EPHB1: variants seen among roughly 807,000 people sequenced by gnomAD.
EPHB1 encodes the protein ephrin type-B receptor 1.
Under a neutral mutation model 94.4 loss-of-function variants are expected in EPHB1, and 30 were observed. The ratio of observed to expected loss-of-function variants is 0.32; its 90% CI spans 0.24 to 0.43. The LOEUF is 0.43. Among genes scored for constraint, EPHB1 ranks in the 20% least tolerant of loss-of-function variants. The pLI, the probability that EPHB1 is intolerant of heterozygous loss-of-function variation, is 1.00. For missense variants in EPHB1, 1,055 were observed against 1,308.3 expected, an observed-to-expected ratio of 0.81 and a Z score of 2.99; for synonymous variants, 522 against 489.1, an observed-to-expected ratio of 1.07 and a Z score of -0.89.
At chr3:135,133,745 C>T (rs6439558) in intron 5 of EPHB1, among the ~76,000 whole-genome samples, 152,188 of 152,334 alleles carry the variant, frequency 1, 76,021 homozygotes, top group East Asian at 1. Context: ...ACATTTTCTT[C>T]CTCTTTATTT....
intron 3 of EPHB1, among the ~76,000 whole-genome samples, chr3:134,969,619 G>A (rs1393127830): frequency 6.6e-6 from 1 of 152,170 alleles, no homozygotes; most frequent in African/African-American, 2.4e-5. Flanking sequence ...GTGTTAATGG[G>A]AGTCTTCATC....
At position 135,132,922 on chromosome 3, in the gene EPHB1, C is replaced by G. The variant is rs778438458; in HGVS notation, c.1170C>G (p.Arg390=). 1 of 1,614,022 alleles carries G rather than the reference C, an allele frequency of 6.2e-7. No individual in the cohort carries two copies. Among genetic ancestry groups the G allele is most frequent in the Non-Finnish European group, 8.5e-7 (1 of 1,179,896 alleles). The part of the protein sequence containing the change: ...VPRQLGLTEC[R]VSISSLWAHT... ...GGCAGCTGGGCCTGACGGAGTGCCG[C>G]GTCTCCATCAGCAGCCTGTGGGCCC... Residue 390 remains arginine, a synonymous_variant, in exon 5 of 16, where the codon CGC becomes CGG. Coordinates refer to ENST00000398015, the MANE Select transcript of EPHB1 (RefSeq NM_004441.5).
intron 2 of EPHB1, among the ~76,000 whole-genome samples, chr3:134,950,599 G>A (rs924640177): frequency 3.3e-5 from 5 of 152,148 alleles, no homozygotes; most frequent in African/African-American, 1.2e-4. Flanking sequence ...ATGTCACATG[G>A]TGAGAGATGG....
At chr3:134,816,485 G>A (rs2036276072) in intron 1 of EPHB1, among the ~76,000 whole-genome samples, 1 of 152,050 alleles carries the variant, frequency 6.6e-6, no homozygotes, top group Non-Finnish European at 1.5e-5. Flanking sequence ...TAACCTCCCA[G>A]TTATGGCCTC....
intron 3 of EPHB1, among the ~76,000 whole-genome samples, chr3:135,044,074 TA>T (rs1172167766): frequency 1.2e-4 from 19 of 152,206 alleles, no homozygotes; most frequent in African/African-American, 4.6e-4. Flanking sequence ...GGATTCTAAT[TA>T]AAACTAAATT....
At chr3:135,224,659 A>G (rs554980458) in intron 12 of EPHB1, among the ~76,000 whole-genome samples, 2 of 152,322 alleles carry the variant, frequency 1.3e-5, no homozygotes, top group South Asian at 4.1e-4. Flanking sequence ...CAATTTCAGC[A>G]TCCATTGATG....
At chr3:135,096,707 GCT>G (rs1371399077) in intron 3 of EPHB1, among the ~76,000 whole-genome samples, 1 of 152,184 alleles carries the variant, frequency 6.6e-6, no homozygotes, top group Non-Finnish European at 1.5e-5. Context: ...CAGAAAGAAA[GCT>G]CTCTCGTATT....
chr3:134,896,809 C>T (rs1005767884), intron 1 of EPHB1, among the ~76,000 whole-genome samples: 3 of 152,244 alleles, frequency 2.0e-5, no homozygotes, highest in Non-Finnish European at 4.4e-5. Flanking sequence ...ATGCCGACTG[C>T]GGCTATTGTC....
chr3:134,998,652 T>C (rs1935075720), intron 3 of EPHB1, among the ~76,000 whole-genome samples: 1 of 152,236 alleles, frequency 6.6e-6, no homozygotes, highest in Non-Finnish European at 1.5e-5. Context: ...GCTTTGGGGA[T>C]ACCATCCCCA....
chr3:135,156,089 A>G (rs946135340), intron 6 of EPHB1, among the ~76,000 whole-genome samples: 3 of 152,108 alleles, frequency 2.0e-5, no homozygotes, highest in Admixed American at 1.3e-4. Context: ...CTGAACCACT[A>G]GAACGATGTA....
rs1337401295 is a variant in EPHB1 at position 135,053,005 on chromosome 3, G to GTA, written c.806-53435_806-53434dup. Among the ~76,000 whole-genome samples the GTA allele has an allele frequency of 2.8e-3, 237 of 84,986 alleles. 5 individuals are homozygous for GTA. The highest frequency in any genetic ancestry group is 0.011 in the African/African-American group (188 of 17,588). 55.8% of individuals were successfully genotyped at this position (84,986 alleles called of 152,430 possible). On this transcript the variant is annotated intron_variant, in intron 3 of 15. Transcript: ENST00000398015. ...TATGTGTGTGTATATATATGTGTGTGTATATATATGTGTGTGTGTGTGTAT... is the reference window on the plus strand; with the variant it reads ...TATGTGTGTGTATATATATGTGTGTGTATATATATATGTGTGTGTGTGTGTAT...
At chr3:135,044,711 G>A (rs928371671) in intron 3 of EPHB1, among the ~76,000 whole-genome samples, 6 of 152,168 alleles carry the variant, frequency 3.9e-5, no homozygotes, top group African/African-American at 1.4e-4. Context: ...CTTAATAAAT[G>A]ACACTGATTG....
intron 5 of EPHB1, among the ~76,000 whole-genome samples, chr3:135,144,834 A>G (rs987323970): frequency 2.0e-5 from 3 of 152,310 alleles, no homozygotes; most frequent in African/African-American, 7.2e-5. Flanking sequence ...GCAGAGCTAC[A>G]CACCCAAGGA....
intron 4 of EPHB1, among the ~76,000 whole-genome samples, chr3:135,108,045 A>AAGACTAGTCATGG: frequency 6.6e-6 from 1 of 152,172 alleles, no homozygotes; most frequent in Non-Finnish European, 1.5e-5. Context: ...GTTCAGACCA[A>AAGACTAGTCATGG]AGACTAGTCT....
In EPHB1 at chr3:135,160,783, C is replaced by A. The variant is rs77449657; in HGVS notation, c.1423-1235C>A. ...GTGTGTAGACAGTCCACAGCCCAGA[C>A]TGGTGAAAGAAGCCTTCCAAGAGAA... On this transcript the variant is annotated intron_variant, in intron 6 of 15. Transcript: ENST00000398015. Among the ~76,000 whole-genome samples, 176 of 152,264 alleles carry A rather than the reference C, an allele frequency of 1.2e-3. 1 individual carries two copies. In the East Asian group the frequency reaches 0.019, roughly 17 times the overall value.
intron 12 of EPHB1, among the ~76,000 whole-genome samples, chr3:135,224,229 G>A (rs1179204712): frequency 1.3e-5 from 2 of 152,168 alleles, no homozygotes; most frequent in African/African-American, 4.8e-5. Flanking sequence ...TTCTCAGAAT[G>A]TGTCTCCATT....
chr3:135,178,894 G>A (rs925724930), intron 9 of EPHB1, among the ~76,000 whole-genome samples: 1 of 152,086 alleles, frequency 6.6e-6, no homozygotes, highest in Non-Finnish European at 1.5e-5. Context: ...TTTGACCTTC[G>A]AAGCCCCAGC....
chr3:135,219,439 T>C (rs1273648672), intron 12 of EPHB1, among the ~76,000 whole-genome samples: 1 of 151,804 alleles, frequency 6.6e-6, no homozygotes, highest in East Asian at 2.0e-4. Flanking sequence ...AAGGAGAAGA[T>C]GGCCATGTGA....
At chr3:135,111,626 GT>G (rs1939447246) in intron 4 of EPHB1, among the ~76,000 whole-genome samples, 1 of 152,070 alleles carries the variant, frequency 6.6e-6, no homozygotes, top group Non-Finnish European at 1.5e-5. Context: ...TCAAGGGAGG[GT>G]CTCACTACTT....
Sources: gnomAD v4.1 joint callset for allele counts (sites outside exome capture counted in the v4.1 genomes callset) on GRCh38, gnomAD v4.1.1 for gene constraint, MANE v1.5 for transcripts, NCBI Gene and HGNC (gene_info 2026-07-23, HGNC 2026-07-21) for gene names.